The following LRRC4C variants were observed in gnomAD, a reference collection of about 807,000 sequenced individuals.
LRRC4C encodes leucine rich repeat containing 4C, also known as leucine-rich repeat-containing protein 4C.
A neutral mutation model predicts 33.6 loss-of-function variants in LRRC4C; 5 were observed. The ratio of observed to expected loss-of-function variants is 0.15; its 90% CI spans 0.08 to 0.31. LRRC4C has a LOEUF of 0.31. Ranked by LOEUF, LRRC4C falls within the 10% of genes least tolerant of loss-of-function variation. LRRC4C has a pLI of 1.00. For synonymous variants in LRRC4C, 329 were observed against 302.0 expected (o/e 1.09, Z -0.93); for missense variants, 560 against 796.7 (o/e 0.70, Z 3.58).
intron 3 of LRRC4C, among the ~76,000 whole-genome samples, chr11:40,543,437 A>G (rs1956800857): frequency 6.6e-6 from 1 of 152,080 alleles, no homozygotes; most frequent in Non-Finnish European, 1.5e-5. Flanking sequence ...AAGCCACTGT[A>G]TTATAATTCT....
At chr11:40,992,631 T>C (rs1853664706) in intron 1 of LRRC4C, among the ~76,000 whole-genome samples, 1 of 152,138 alleles carries the variant, frequency 6.6e-6, no homozygotes, top group Non-Finnish European at 1.5e-5. Flanking sequence ...TGAAATTACG[T>C]TGTTTGATTT....
At chr11:40,504,588 A>T (rs1954940697) in intron 3 of LRRC4C, among the ~76,000 whole-genome samples, 1 of 152,156 alleles carries the variant, frequency 6.6e-6, no homozygotes, top group Non-Finnish European at 1.5e-5. Context: ...CATGGATTTA[A>T]GTTGGGCAGA....
At chr11:41,073,204 G>C (rs760147779) in intron 1 of LRRC4C, among the ~76,000 whole-genome samples, 1 of 152,134 alleles carries the variant, frequency 6.6e-6, no homozygotes, top group Non-Finnish European at 1.5e-5. Context: ...ATGGTGGCTG[G>C]AAGGTTCAAG....
intron 5 of LRRC4C, among the ~76,000 whole-genome samples, chr11:40,189,601 A>G (rs1285279601): frequency 2.6e-5 from 4 of 152,210 alleles, no homozygotes; most frequent in Non-Finnish European, 5.9e-5. Flanking sequence ...CTTGACTTGA[A>G]GTCGATTTAA....
chr11:41,222,685 G>A, intron 1 of LRRC4C: 1 of 151,990 alleles, frequency 6.6e-6, no homozygotes, highest in East Asian at 1.9e-4. Flanking sequence ...AAGGTCTCAT[G>A]CTTCTGTAAC....
intron 3 of LRRC4C, among the ~76,000 whole-genome samples, chr11:40,341,638 GTAAC>G (rs1946871769): frequency 6.6e-6 from 1 of 152,076 alleles, no homozygotes; most frequent in Non-Finnish European, 1.5e-5. Context: ...GTATACATAT[GTAAC>G]TAACCTGCAC....
rs117884890 is a variant in LRRC4C at position 41,045,361 on chromosome 11, G to A, written c.-495-111638C>T. Among the ~76,000 whole-genome samples the A allele has an allele frequency of 4.1e-3, 628 of 152,006 alleles. 11 individuals carry two copies. Among genetic ancestry groups the A allele is most frequent in the East Asian group, 0.014 (74 of 5,164 alleles). ...TTTTTACATCTCTTCAAGCTGTTTC[G>A]TTCCCATAAGAATATTTATAACCTC... On this transcript the variant is annotated intron_variant, in intron 1 of 6. Transcript: ENST00000528697.
intron 1 of LRRC4C, among the ~76,000 whole-genome samples, chr11:41,046,092 C>T (rs1168239443): frequency 1.3e-5 from 2 of 152,132 alleles, no homozygotes; most frequent in African/African-American, 4.8e-5. Flanking sequence ...CCATTTGCAT[C>T]ATCATTTCAA....
intron 3 of LRRC4C, among the ~76,000 whole-genome samples, chr11:40,431,330 G>A (rs1950924677): frequency 6.7e-6 from 1 of 148,800 alleles, no homozygotes; most frequent in Non-Finnish European, 1.5e-5. Context: ...AGGAGGCAGA[G>A]GTTGCAGTGA....
chr11:41,210,377 C>T (rs1286147742), intron 1 of LRRC4C, among the ~76,000 whole-genome samples: 1 of 152,116 alleles, frequency 6.6e-6, no homozygotes, highest in Admixed American at 6.6e-5. Context: ...GATGGTTTTA[C>T]AAGGGTTTTC....
At chr11:41,098,840 A>G (rs994660034) in intron 1 of LRRC4C, among the ~76,000 whole-genome samples, 2 of 152,164 alleles carry the variant, frequency 1.3e-5, no homozygotes, top group African/African-American at 4.8e-5. Context: ...AACCAATATC[A>G]GAGCTGAACT....
chr11:40,729,329 G>A (rs947815820), intron 2 of LRRC4C, among the ~76,000 whole-genome samples: 2 of 152,140 alleles, frequency 1.3e-5, no homozygotes, highest in Admixed American at 6.5e-5. Flanking sequence ...CACTATGGAT[G>A]ACACTGAAGA....
chr11:41,084,622 G>A (rs1033798914), intron 1 of LRRC4C, among the ~76,000 whole-genome samples: 2 of 152,248 alleles, frequency 1.3e-5, no homozygotes, highest in African/African-American at 4.8e-5. Context: ...GCCGAGGCGG[G>A]TGGATCACCT....
chr11:40,812,327 C>T (rs1951524568), intron 2 of LRRC4C, among the ~76,000 whole-genome samples: 1 of 152,166 alleles, frequency 6.6e-6, no homozygotes, highest in South Asian at 2.1e-4. Context: ...ACACAGTCTT[C>T]TCCTTTATAG....
intron 2 of LRRC4C, among the ~76,000 whole-genome samples, chr11:40,723,804 C>A (rs1472087891): frequency 1.3e-5 from 2 of 152,072 alleles, no homozygotes; most frequent in African/African-American, 2.4e-5. Flanking sequence ...ACTTAACAGA[C>A]AAAGAACGGC....
At chr11:40,850,758 C>A (rs1953444803) in intron 2 of LRRC4C, among the ~76,000 whole-genome samples, 1 of 152,196 alleles carries the variant, frequency 6.6e-6, no homozygotes, top group Non-Finnish European at 1.5e-5. Context: ...TGCCCTGTCC[C>A]AGGGAGATGG....
chr11:40,435,152 A>T (rs1590726271), intron 3 of LRRC4C, among the ~76,000 whole-genome samples: 1 of 152,300 alleles, frequency 6.6e-6, no homozygotes, highest in East Asian at 1.9e-4. Context: ...AGCTCCATTC[A>T]TCCAGGCTTT....
At chr11:40,367,246 A>G (rs1357495726) in intron 3 of LRRC4C, among the ~76,000 whole-genome samples, 1 of 152,074 alleles carries the variant, frequency 6.6e-6, no homozygotes, top group Non-Finnish European at 1.5e-5. Flanking sequence ...ACATGAGTTA[A>G]CTAGTACCAC....
chr11:41,289,535 G>A (rs1279158047), intron 1 of LRRC4C, among the ~76,000 whole-genome samples: 1 of 152,132 alleles, frequency 6.6e-6, no homozygotes. Context: ...AGAAAAGGAA[G>A]ACATGGCAGA....
Sources: allele counts gnomAD v4.1 joint callset (sites outside exome capture counted in the v4.1 genomes callset), GRCh38; gene constraint gnomAD v4.1.1; transcripts MANE v1.5; gene names NCBI Gene and HGNC (gene_info 2026-07-23, HGNC 2026-07-21).